IL1R2: variants seen among roughly 807,000 people sequenced by gnomAD.
IL1R2 encodes interleukin-1 receptor type 2.
Under a neutral mutation model 39.5 loss-of-function variants are expected in IL1R2, and 46 were observed. The observed-to-expected ratio is 1.16, with a 90% CI of 0.92 to 1.49. The LOEUF is 1.49. IL1R2 is among the 40% of genes most tolerant of loss of function. IL1R2 has a pLI of 0.00. For synonymous variants in IL1R2, 207 were observed against 189.6 expected (o/e 1.09, Z -0.75); for missense variants, 537 against 502.0 (o/e 1.07, Z -0.67).
chr2:102,026,194 T>C lies in IL1R2; in HGVS notation c.971T>C (p.Phe324Ser). 1 of 1,613,080 alleles carries C rather than the reference T, an allele frequency of 6.2e-7. No individual in the cohort carries two copies. The highest frequency in any genetic ancestry group is 1.7e-4 in the Middle Eastern group (1 of 6,060). Residue 324 changes from phenylalanine to serine, a missense_variant, in exon 8 of 9, where the codon TTT becomes TCT. Phe to Ser is a radical substitution (Grantham distance 155). Coordinates refer to ENST00000332549, the MANE Select transcript of IL1R2 (RefSeq NM_004633.4). ...PVTREDLHMD[F>S]KCVVHNTLSF... The stretch of plus-strand genomic sequence containing the variant: ...ACAAGAGAGGATTTGCACATGGATT[T>C]TAAATGTGTTGTCCATAATACCCTG...
Position 101,996,582 on chromosome 2 carries a change from C to T in IL1R2, c.-62+4571C>T, listed in dbSNP as rs112525063. Among the ~76,000 whole-genome samples, 964 of 146,142 alleles carry T rather than the reference C, an allele frequency of 6.6e-3. 11 individuals carry two copies. The highest frequency in any genetic ancestry group is 0.023 in the African/African-American group (911 of 39,098). On this transcript the variant is annotated intron_variant, in intron 1 of 8. Transcript: ENST00000332549. ...TTGGGACAATTGCCACCCTTGGTGC[C>T]CCTCAGAGGACAAGGTGGGCACATT...
chr2:102,010,000 T>C lies in IL1R2; in HGVS notation c.332+174T>C, dbSNP rs1007476636. 4.5e-5 allele frequency: 33 copies of C among 727,460 alleles called. No homozygotes were observed. The African/African-American group carries it at 4.8e-4, about 11-fold the overall frequency. 45.1% of individuals were successfully genotyped at this position (727,460 alleles called of 1,614,324 possible). On this transcript the variant is annotated intron_variant, in intron 3 of 8. Coordinates refer to ENST00000332549, the MANE Select transcript of IL1R2 (RefSeq NM_004633.4). ...CCCCCCCAACCCTACAGTCTCATTC[T>C]GTCTCCATTTAGTCTTTGCTCAAAT...
intron 1 of IL1R2, among the ~76,000 whole-genome samples, chr2:102,001,015 C>G (rs370893328): frequency 6.6e-6 from 1 of 152,158 alleles, no homozygotes; most frequent in Non-Finnish European, 1.5e-5. Flanking sequence ...AGGATGGTAA[C>G]TGTTCCAGGC....
At chr2:102,008,366 C>T (rs1468712362) in intron 1 of IL1R2, 149 bp from the exon 2 acceptor site, 2 of 566,872 alleles carry the variant, frequency 3.5e-6, no homozygotes, top group Non-Finnish European at 6.4e-6. Flanking sequence ...GAAACAAATC[C>T]AAAAATTTTG....
intron 1 of IL1R2, among the ~76,000 whole-genome samples, chr2:101,992,522 GAGAC>G (rs1577668813): frequency 6.6e-6 from 1 of 151,348 alleles, no homozygotes; most frequent in Admixed American, 6.6e-5. Flanking sequence ...GAGAGGCAGA[GAGAC>G]AGAGATGGAG....
chr2:102,013,933 T>C (rs528508345), intron 3 of IL1R2, among the ~76,000 whole-genome samples: 29 of 152,226 alleles, frequency 1.9e-4, no homozygotes, highest in African/African-American at 6.0e-4. Context: ...TAGGGAGAAC[T>C]GGGCCTATTT....
chr2:102,022,782 T>C lies in IL1R2; in HGVS notation c.751+533T>C, dbSNP rs117671719. On this transcript the variant is annotated intron_variant, in intron 6 of 8. Transcript: ENST00000332549. ...CTGCTTTTCACTCCATGTGGTACAG[T>C]CCATCCTGGCCAGCACAGGTCCACA... Among the ~76,000 whole-genome samples, 44 of 152,326 alleles carry C rather than the reference T, an allele frequency of 2.9e-4. 1 individual carries two copies. The East Asian group carries it at 7.5e-3, about 26-fold the overall frequency.
chr2:102,007,658 A>G (rs1220234639), intron 1 of IL1R2, among the ~76,000 whole-genome samples: 2 of 152,220 alleles, frequency 1.3e-5, no homozygotes, highest in Non-Finnish European at 2.9e-5. Flanking sequence ...GCCTTTCTCC[A>G]AAGATGATTT....
At position 101,994,807 on chromosome 2, in the gene IL1R2, G is replaced by C. The variant is rs962692100; in HGVS notation, c.-62+2796G>C. Among the ~76,000 whole-genome samples the C allele has an allele frequency of 4.3e-4, 66 of 152,218 alleles. 1 individual carries two copies. Among genetic ancestry groups the C allele is most frequent in the Admixed American group, 7.2e-4 (11 of 15,288 alleles). The stretch of plus-strand genomic sequence containing the variant: ...TGAATTTTTCATAAATGGTGTTTGT[G>C]CTGCCGGTCCATGGACCACACTTTG... On this transcript the variant is annotated intron_variant, in intron 1 of 8. Transcript: ENST00000332549.
rs3218850 is a variant in IL1R2, at chr2:102,008,100, G to C, written c.-61-415G>C. Among the ~76,000 whole-genome samples, 991 of 152,326 alleles carry C rather than the reference G, an allele frequency of 6.5e-3. 13 individuals are homozygous for C. Among genetic ancestry groups the C allele is most frequent in the African/African-American group, 0.023 (941 of 41,566 alleles). On this transcript the variant is annotated intron_variant, in intron 1 of 8. Transcript: ENST00000332549. ...ATGACAGGGAAGGGAAGGAAAACAT[G>C]GAGTATTGGGATTAAAGGTGGTGCA...
At chr2:102,018,077 C>T (rs932896600) in intron 4 of IL1R2, among the ~76,000 whole-genome samples, 1 of 152,126 alleles carries the variant, frequency 6.6e-6, no homozygotes, top group African/African-American at 2.4e-5. Context: ...AATAAGCTGG[C>T]TGAGCTCTAG....
intron 1 of IL1R2, among the ~76,000 whole-genome samples, chr2:102,003,003 T>C (rs969503570): frequency 7.9e-6 from 1 of 125,854 alleles, no homozygotes; most frequent in East Asian, 2.5e-4. Context: ...TCTATGTCTA[T>C]GTCTGTGTCT....
chr2:102,014,693 T>C (rs1209651448), intron 3 of IL1R2, among the ~76,000 whole-genome samples: 1 of 152,106 alleles, frequency 6.6e-6, no homozygotes, highest in Non-Finnish European at 1.5e-5. Flanking sequence ...GATTTTGCTG[T>C]GCAAGTAATT....
At chr2:102,002,080 T>C (rs1197471546) in intron 1 of IL1R2, 1 of 152,220 alleles carries the variant, frequency 6.6e-6, no homozygotes, top group Non-Finnish European at 1.5e-5. Flanking sequence ...TCAGTCCAGA[T>C]ATATTCAAAT....
intron 5 of IL1R2, among the ~76,000 whole-genome samples, chr2:102,020,949 G>T (rs1677343007): frequency 6.6e-6 from 1 of 152,152 alleles, no homozygotes; most frequent in Non-Finnish European, 1.5e-5. Flanking sequence ...ATTGAAACTG[G>T]AGTCTGGGGG....
Position 102,024,667 on chromosome 2 carries a change from C to T in IL1R2, c.886C>T (p.Gln296Ter). The T allele has an allele frequency of 6.2e-7, 1 of 1,614,030 alleles. No individual in the cohort carries two copies. Among genetic ancestry groups the T allele is most frequent in the East Asian group, 2.2e-5 (1 of 44,880 alleles). ...PGGRVTEGPRQEYSENNENYI... is the reference protein window; with the variant it reads ...PGGRVTEGPR The stretch of plus-strand genomic sequence containing the variant: ...AGGCCGCGTGACCGAGGGGCCACGC[C>T]AGTAAGTGGGCCAGGGTCTTCTGTT... The change falls in exon 7 of 9, where the codon CAG becomes TAG. Residue 296 changes from glutamine to a stop codon, truncating the protein, a stop_gained and splice_region_variant. Transcript: ENST00000332549. LOFTEE classifies it high-confidence loss of function.
At chr2:102,002,782 A>ATCTATATCTATGTTTATATCTATG (rs1553613533) in intron 1 of IL1R2, among the ~76,000 whole-genome samples, 30 of 146,854 alleles carry the variant, frequency 2.0e-4, no homozygotes, top group African/African-American at 7.4e-4. Flanking sequence ...CTATATCTAT[A>ATCTATATCTATGTTTATATCTATG]TCTATATCTG....
chr2:101,995,135 G>A (rs571135818), intron 1 of IL1R2, among the ~76,000 whole-genome samples: 1 of 152,148 alleles, frequency 6.6e-6, no homozygotes, highest in Non-Finnish European at 1.5e-5. Context: ...TTGACTTGAA[G>A]TTAATAAAAA....
chr2:101,993,530 C>T (rs1675444975), intron 1 of IL1R2, among the ~76,000 whole-genome samples: 1 of 152,098 alleles, frequency 6.6e-6, no homozygotes, highest in South Asian at 2.1e-4. Context: ...ACTCAGGTGT[C>T]CTGACTCCCA....
Sources: allele counts gnomAD v4.1 joint callset (sites outside exome capture counted in the v4.1 genomes callset), GRCh38; gene constraint gnomAD v4.1.1; transcripts MANE v1.5; gene names NCBI Gene and HGNC (gene_info 2026-07-23, HGNC 2026-07-21).